Variants in GLIS3 observed in about 807,000 individuals in gnomAD.
GLIS3 encodes GLIS family zinc finger 3.
In GLIS3, 53 loss-of-function variants were observed where a neutral mutation model predicts 78.6. The ratio of observed to expected loss-of-function variants is 0.67; its 90% confidence interval spans 0.54 to 0.85. The LOEUF (loss-of-function observed/expected upper bound fraction) is 0.85. Among genes scored for constraint, GLIS3 ranks in the 40% least tolerant of loss-of-function variants. GLIS3 has a pLI of 0.00. For missense variants in GLIS3, 1,703 were observed against 1,231.1 expected (o/e 1.38, Z -5.74); for synonymous variants, 684 against 509.9 (o/e 1.34, Z -4.60).
chr9:4,120,643 C>G (rs563330281), intron 3 of GLIS3, among the ~76,000 whole-genome samples: 4 of 152,174 alleles, frequency 2.6e-5, no homozygotes, highest in South Asian at 2.1e-4. Context: ...ATTAGTAGTC[C>G]TATCGTATAT....
Position 3,962,670 on chromosome 9 carries a change from G to A in GLIS3, c.1711-25481C>T, listed in dbSNP as rs1049911633. On this transcript the variant is annotated intron_variant, in intron 4 of 10. Transcript: ENST00000381971. ...TGTTTGAGAAGAGATTACAGGATGG[G>A]TTGAGGAGAGTAAATAGGGAGAAAC... 3.3e-5 allele frequency among the ~76,000 whole-genome samples: 5 copies of A among 152,150 alleles called. No homozygotes were observed. In the South Asian group the frequency reaches 1.0e-3, roughly 32 times the overall value.
At chr9:4,321,206 G>A (rs543685579) in intron 2 of GLIS3, among the ~76,000 whole-genome samples, 53 of 148,194 alleles carry the variant, frequency 3.6e-4, no homozygotes, top group African/African-American at 1.3e-3. Context: ...GGATCACAAG[G>A]TCAGGAGATC....
the GLIS3 span, among the ~76,000 whole-genome samples, chr9:4,472,722 G>A: frequency 2.0e-5 from 3 of 152,104 alleles, no homozygotes; most frequent in Admixed American, 1.3e-4. Flanking sequence ...AAACCTGCAC[G>A]TTGTGCACAT....
At chr9:4,163,904 T>C (rs7847753) in intron 2 of GLIS3, among the ~76,000 whole-genome samples, 45,298 of 152,076 alleles carry the variant, frequency 0.3, 6,808 homozygotes, top group South Asian at 0.37. Flanking sequence ...GTAAGGCCAG[T>C]GCTTTTCATC....
chr9:4,401,661 G>A, the GLIS3 span, among the ~76,000 whole-genome samples: 7 of 150,472 alleles, frequency 4.7e-5, no homozygotes, highest in Non-Finnish European at 8.9e-5. Context: ...TCTGCCTCCT[G>A]GGTTCAAGCG....
chr9:4,402,569 T>A, the GLIS3 span, among the ~76,000 whole-genome samples: 2 of 152,108 alleles, frequency 1.3e-5, no homozygotes, highest in Non-Finnish European at 2.9e-5. Flanking sequence ...TGAAGAAATT[T>A]AACATAACAC....
At chr9:4,142,508 A>G (rs1254973339) in intron 2 of GLIS3, among the ~76,000 whole-genome samples, 3 of 152,082 alleles carry the variant, frequency 2.0e-5, no homozygotes, top group Non-Finnish European at 4.4e-5. Flanking sequence ...CAAATTATAA[A>G]CTCTGCCAGG....
intron 7 of GLIS3, among the ~76,000 whole-genome samples, chr9:3,896,246 A>AT (rs909687896): frequency 6.6e-6 from 1 of 152,084 alleles, no homozygotes; most frequent in South Asian, 2.1e-4. Context: ...TTGTTTTGTA[A>AT]TTTTTTCCCC....
chr9:3,835,760 T>C (rs1818312835), intron 9 of GLIS3, among the ~76,000 whole-genome samples: 1 of 152,374 alleles, frequency 6.6e-6, no homozygotes. Context: ...CTGTTACTTT[T>C]ACTTTTTTCT....
At chr9:4,029,483 A>T (rs1239849612) in intron 4 of GLIS3, among the ~76,000 whole-genome samples, 1 of 152,184 alleles carries the variant, frequency 6.6e-6, no homozygotes, top group Non-Finnish European at 1.5e-5. Flanking sequence ...TTATTTAAAA[A>T]TGTACAATTA....
chr9:4,107,581 A>C (rs1011734225), intron 4 of GLIS3, among the ~76,000 whole-genome samples: 5 of 152,220 alleles, frequency 3.3e-5, no homozygotes, highest in African/African-American at 7.2e-5. Flanking sequence ...ATTTGGGTTA[A>C]ATTATTTTAA....
At chr9:3,931,253 C>T (rs1024494858) in intron 6 of GLIS3, among the ~76,000 whole-genome samples, 29 of 152,134 alleles carry the variant, frequency 1.9e-4, no homozygotes, top group African/African-American at 5.5e-4. Flanking sequence ...TACACACCCT[C>T]GGCTGGCATT....
intron 4 of GLIS3, among the ~76,000 whole-genome samples, chr9:3,967,529 A>G (rs1588339237): frequency 6.6e-6 from 1 of 152,270 alleles, no homozygotes; most frequent in Non-Finnish European, 1.5e-5. Context: ...AAGAAAAGAA[A>G]AGAAAGATAT....
chr9:4,294,773 CTATA>C (rs747567519), intron 1 of GLIS3, among the ~76,000 whole-genome samples: 7 of 152,128 alleles, frequency 4.6e-5, no homozygotes, highest in African/African-American at 9.7e-5. Context: ...TGTTTTACAC[CTATA>C]TATATTTTTC....
intron 2 of GLIS3, among the ~76,000 whole-genome samples, chr9:4,246,203 A>T (rs1456723781): frequency 6.6e-6 from 1 of 152,248 alleles, no homozygotes; most frequent in Non-Finnish European, 1.5e-5. Context: ...TACCACAAAT[A>T]CAAAAATTAT....
the GLIS3 span, among the ~76,000 whole-genome samples, chr9:4,437,420 G>GTATGTATGTATGTATGTATGTATC: frequency 1.8e-4 from 23 of 127,040 alleles, no homozygotes; most frequent in South Asian, 5.2e-3. Flanking sequence ...ATGTATGTAT[G>GTATGTATGTATGTATGTATGTATC]TATCTATCTA....
chr9:4,389,363 A>G, the GLIS3 span, among the ~76,000 whole-genome samples: 1 of 152,246 alleles, frequency 6.6e-6, no homozygotes, highest in Middle Eastern at 3.4e-3. Flanking sequence ...CCTCCTATAC[A>G]ATGTAGGGCG....
chr9:4,239,592 T>C (rs993365661), intron 2 of GLIS3, among the ~76,000 whole-genome samples: 6 of 152,218 alleles, frequency 3.9e-5, no homozygotes, highest in Non-Finnish European at 7.3e-5. Flanking sequence ...TGATGTGCTC[T>C]AGCTTTCTAT....
the GLIS3 span, among the ~76,000 whole-genome samples, chr9:4,375,574 A>G: frequency 1.3e-5 from 2 of 152,238 alleles, no homozygotes; most frequent in African/African-American, 4.8e-5. Context: ...GATAATCCAC[A>G]GACACATGGC....
Sources: gnomAD v4.1 joint callset for allele counts (sites outside exome capture counted in the v4.1 genomes callset) on GRCh38, gnomAD v4.1.1 for gene constraint, MANE v1.5 for transcripts, NCBI Gene and HGNC (gene_info 2026-07-23, HGNC 2026-07-21) for gene names.